Variants in NRG1 observed in about 807,000 individuals in gnomAD.
NRG1 encodes the protein pro-neuregulin-1, membrane-bound isoform.
NRG1 carries 18 observed loss-of-function variants against 63.8 expected under a neutral mutation model. The observed-to-expected ratio is 0.28, with a 90% CI of 0.19 to 0.42. NRG1 has a LOEUF of 0.42. Ranked by LOEUF, NRG1 falls within the 10% of genes least tolerant of loss-of-function variation. NRG1 has a pLI of 1.00. For missense variants in NRG1, 762 were observed against 814.7 expected, an observed-to-expected ratio of 0.94 and a Z score of 0.79; for synonymous variants, 302 against 301.3, an observed-to-expected ratio of 1.00 and a Z score of -0.02.
At chr8:31,914,410 G>GTT (rs139903551) in intron 1 of NRG1, among the ~76,000 whole-genome samples, 167 of 144,104 alleles carry the variant, frequency 1.2e-3, no homozygotes, top group East Asian at 2.2e-3. Flanking sequence ...CCAGTTTTTG[G>GTT]TTTTTTTTTT....
intron 1 of NRG1, among the ~76,000 whole-genome samples, chr8:32,364,075 CT>C (rs932903875): frequency 0.073 from 4,765 of 65,602 alleles, 38 homozygotes; most frequent in Non-Finnish European, 0.091. Flanking sequence ...TCTGACTAGT[CT>C]TTTTTTTTTT....
chr8:32,645,287 A>G (rs1166050865), intron 5 of NRG1, among the ~76,000 whole-genome samples: 2 of 152,176 alleles, frequency 1.3e-5, no homozygotes, highest in Non-Finnish European at 2.9e-5. Context: ...AGTCAAATAA[A>G]CCTAGAAAAT....
chr8:32,305,662 A>T (rs1172165286), intron 1 of NRG1, among the ~76,000 whole-genome samples: 2 of 152,234 alleles, frequency 1.3e-5, no homozygotes, highest in East Asian at 1.9e-4. Flanking sequence ...TAACAAAAAT[A>T]GATCTCACAG....
chr8:32,695,524 G>T (rs1479681381), intron 5 of NRG1, among the ~76,000 whole-genome samples: 3 of 152,190 alleles, frequency 2.0e-5, no homozygotes, highest in African/African-American at 7.2e-5. Context: ...GGCATTTTCT[G>T]TACTGAGAAC....
chr8:32,531,011 T>C (rs1831401063), intron 1 of NRG1, among the ~76,000 whole-genome samples: 1 of 151,948 alleles, frequency 6.6e-6, no homozygotes, highest in African/African-American at 2.4e-5. Context: ...GGCAGGAGAA[T>C]TGCTTGAACC....
intron 1 of NRG1, among the ~76,000 whole-genome samples, chr8:31,957,686 C>T (rs1804683960): frequency 6.6e-6 from 1 of 151,442 alleles, no homozygotes; most frequent in African/African-American, 2.5e-5. Context: ...GACAGCCCAT[C>T]ACAATTCAGT....
At chr8:31,965,454 C>A (rs747208111) in intron 1 of NRG1, among the ~76,000 whole-genome samples, 24 of 152,104 alleles carry the variant, frequency 1.6e-4, no homozygotes, top group Non-Finnish European at 2.2e-4. Flanking sequence ...AATTCCCAAC[C>A]TCATGTGATC....
At chr8:32,247,071 A>G (rs1306596548) in intron 1 of NRG1, among the ~76,000 whole-genome samples, 1 of 151,468 alleles carries the variant, frequency 6.6e-6, no homozygotes, top group Non-Finnish European at 1.5e-5. Context: ...TGTACCCCAT[A>G]TACTTACAAT....
At chr8:32,638,755 G>A (rs1382305674) in intron 5 of NRG1, among the ~76,000 whole-genome samples, 5 of 152,062 alleles carry the variant, frequency 3.3e-5, no homozygotes, top group South Asian at 2.1e-4. Flanking sequence ...AATTCATATC[G>A]TTTTAAGTAA....
intron 5 of NRG1, among the ~76,000 whole-genome samples, chr8:32,691,041 C>G (rs747067799): frequency 1.3e-5 from 2 of 151,704 alleles, no homozygotes; most frequent in Non-Finnish European, 2.9e-5. Flanking sequence ...CATTTTCACT[C>G]ACATTAAAAG....
At chr8:31,953,806 T>C (rs1388062190) in intron 1 of NRG1, among the ~76,000 whole-genome samples, 2 of 152,134 alleles carry the variant, frequency 1.3e-5, no homozygotes, top group African/African-American at 2.4e-5. Context: ...CTTCAAAAAG[T>C]TGAACATCAA....
exon 12 of NRG1, chr8:32,765,575 T>C (rs1285407135): frequency 6.6e-6 from 1 of 152,196 alleles, no homozygotes; most frequent in African/African-American, 2.4e-5. Flanking sequence ...CCCTTATTTT[T>C]CTTTTATCTT....
At chr8:31,878,266 T>C (rs1404713398) in intron 1 of NRG1, among the ~76,000 whole-genome samples, 1 of 152,214 alleles carries the variant, frequency 6.6e-6, no homozygotes, top group Non-Finnish European at 1.5e-5. Context: ...TTAATAACCT[T>C]ACATCTTTTT....
intron 1 of NRG1, among the ~76,000 whole-genome samples, chr8:31,978,814 G>T (rs1808608714): frequency 6.6e-6 from 1 of 152,108 alleles, no homozygotes; most frequent in African/African-American, 2.4e-5. Flanking sequence ...AATTACTAAG[G>T]ACATGATAAA....
Position 31,741,557 on chromosome 8 carries a change from G to A in NRG1, c.37+102126G>A, listed in dbSNP as rs552612566. 2.6e-3 allele frequency among the ~76,000 whole-genome samples: 390 copies of A among 151,862 alleles called. 1 individual carries two copies. The Middle Eastern group carries it at 0.031, about 12-fold the overall frequency. On this transcript the variant is annotated intron_variant, in intron 1 of 10. Coordinates refer to the NRG1 transcript ENST00000519301. ...GTAGTAAATAACATAAAAGCAAACT[G>A]AAAAATACTTCAAACGACATTATTC...
intron 11 of NRG1, among the ~76,000 whole-genome samples, chr8:32,761,543 T>G (rs1174471012): frequency 2.6e-5 from 4 of 151,962 alleles, no homozygotes; most frequent in Admixed American, 6.6e-5. Flanking sequence ...ATTACCTGTT[T>G]GTTTGCAAGT....
intron 1 of NRG1, among the ~76,000 whole-genome samples, chr8:32,140,962 A>ACT (rs936090951): frequency 3.3e-5 from 4 of 121,426 alleles, no homozygotes; most frequent in Admixed American, 7.8e-5. Flanking sequence ...TCTCTCGCTC[A>ACT]CTCTCTCTCT....
chr8:31,649,883 T>G (rs766616642), intron 1 of NRG1, among the ~76,000 whole-genome samples: 1 of 152,234 alleles, frequency 6.6e-6, no homozygotes, highest in Non-Finnish European at 1.5e-5. Context: ...ATTAATTGCC[T>G]CTACCCCAGC....
intron 1 of NRG1, among the ~76,000 whole-genome samples, chr8:31,797,495 C>T (rs891586437): frequency 6.6e-6 from 1 of 152,124 alleles, no homozygotes; most frequent in African/African-American, 2.4e-5. Context: ...AAAGTGAGCT[C>T]TTATAGCCTG....
Sources: allele counts gnomAD v4.1 joint callset (sites outside exome capture counted in the v4.1 genomes callset), GRCh38; gene constraint gnomAD v4.1.1; transcripts MANE v1.5; gene names NCBI Gene and HGNC (gene_info 2026-07-23, HGNC 2026-07-21).